Variants in ALMS1 observed in about 807,000 individuals in gnomAD.
The protein encoded by ALMS1 is ALMS1 centrosome and basal body associated protein, also known as centrosome-associated protein ALMS1.
ALMS1 carries 271 observed loss-of-function variants against 352.2 expected under a neutral mutation model. The observed-to-expected ratio is 0.77, with a 90% CI of 0.70 to 0.85. The LOEUF (loss-of-function observed/expected upper bound fraction) is 0.85, where lower values mean the gene tolerates loss of function less well. ALMS1 is among the 40% of genes least tolerant of loss of function. The pLI is 0.00. For synonymous variants in ALMS1, 1,865 were observed against 1,761.2 expected (o/e 1.06, Z -1.48); for missense variants, 5,445 against 4,870.7 (o/e 1.12, Z -3.51).
chr2:73,392,689 A>G (rs1670675219), intron 1 of ALMS1, among the ~76,000 whole-genome samples: 1 of 152,206 alleles, frequency 6.6e-6, no homozygotes, highest in South Asian at 2.1e-4. Flanking sequence ...TCATTACTTT[A>G]TATGGCTGAA....
chr2:73,532,556 T>G (rs529678931), intron 11 of ALMS1, among the ~76,000 whole-genome samples: 1 of 152,162 alleles, frequency 6.6e-6, no homozygotes, highest in African/African-American at 2.4e-5. Flanking sequence ...CTGATATTCA[T>G]TCAAGGCCCA....
intron 12 of ALMS1, among the ~76,000 whole-genome samples, chr2:73,544,536 A>G (rs999522539): frequency 1.3e-5 from 2 of 152,188 alleles, no homozygotes; most frequent in Non-Finnish European, 2.9e-5. Context: ...TAAATAAAAA[A>G]GCAAAGAATG....
chr2:73,531,681 C>T (rs1673916896), intron 11 of ALMS1, among the ~76,000 whole-genome samples: 1 of 152,216 alleles, frequency 6.6e-6, no homozygotes. Context: ...TTTCACACTG[C>T]TTTAAAGATA....
chr2:73,473,242 A>G (rs915916928), intron 9 of ALMS1, among the ~76,000 whole-genome samples: 1 of 127,488 alleles, frequency 7.8e-6, no homozygotes, highest in Non-Finnish European at 1.8e-5. Context: ...AGAGCAAAAA[A>G]GACTGGGAGT....
chr2:73,437,349 C>T (rs1210622033), intron 7 of ALMS1, among the ~76,000 whole-genome samples: 1 of 152,160 alleles, frequency 6.6e-6, no homozygotes, highest in African/African-American at 2.4e-5. Context: ...CTTGGATTGC[C>T]TCTCCTGGAG....
Position 73,541,217 on chromosome 2 carries a change from C to T in ALMS1, c.9907+6268C>T, listed in dbSNP as rs1414134918. ...CAAACTAGAACTCAGGATTAAGAAACTCACTCAGAACCGCTCGACTACATG... is the reference window on the plus strand; with the variant it reads ...CAAACTAGAACTCAGGATTAAGAAATTCACTCAGAACCGCTCGACTACATG... On this transcript the variant is annotated intron_variant, in intron 12 of 22. Coordinates refer to ENST00000613296, the MANE Select transcript of ALMS1 (RefSeq NM_001378454.1). 2.6e-5 allele frequency among the ~76,000 whole-genome samples: 4 copies of T among 152,218 alleles called. No individual in the cohort carries two copies. In the East Asian group the frequency reaches 7.7e-4, roughly 29 times the overall value.
In ALMS1 at chr2:73,409,073, C is replaced by T. The variant is rs115172887; in HGVS notation, c.450+326C>T. 9.8e-3 allele frequency among the ~76,000 whole-genome samples: 1,489 copies of T among 151,790 alleles called. 29 individuals are homozygous for T. The highest frequency in any genetic ancestry group is 0.034 in the African/African-American group (1,398 of 41,426). On this transcript the variant is annotated intron_variant, in intron 2 of 22. Coordinates refer to ENST00000613296, the MANE Select transcript of ALMS1 (RefSeq NM_001378454.1). ...AAAAAATTTTTTATAGATGGAGTCT[C>T]GCTTTGTTGCCCAGGCTGGTCTTGA...
chr2:73,463,727 G>T (rs558390990), intron 9 of ALMS1, among the ~76,000 whole-genome samples: 1 of 137,182 alleles, frequency 7.3e-6, no homozygotes, highest in East Asian at 2.0e-4. Flanking sequence ...AAAGAGAGAA[G>T]AATCAAATAG....
chr2:73,545,771 C>T (rs1243789453), intron 12 of ALMS1, among the ~76,000 whole-genome samples: 2 of 152,134 alleles, frequency 1.3e-5, no homozygotes, highest in African/African-American at 4.8e-5. Context: ...ATATACTTAA[C>T]AAAAGAGGAG....
intron 4 of ALMS1, among the ~76,000 whole-genome samples, chr2:73,423,293 C>G (rs553039079): frequency 2.0e-5 from 3 of 152,286 alleles, no homozygotes; most frequent in African/African-American, 7.2e-5. Context: ...CCCATCATCT[C>G]TCTCCTCCCT....
Position 73,451,242 on chromosome 2 carries a change from C to G in ALMS1, c.4715C>G (p.Ser1572Ter), listed in dbSNP as rs2103783763. 6.2e-7 allele frequency: 1 copy of G among 1,613,914 alleles called. No individual in the cohort carries two copies. ...GIPTITSTSY[S>*]FGEKPIVNYK... is the part of the protein sequence containing the mutation. Reference sequence around the variant, plus strand: ...CCAACCATAACCTCTACTTCCTACTCATTTGGAGAGAAGCCGATTGTTAAC... The same window carrying G: ...CCAACCATAACCTCTACTTCCTACTGATTTGGAGAGAAGCCGATTGTTAAC... The change falls in exon 8 of 23, where the codon TCA becomes TGA. Residue 1572 changes from serine to a stop codon, truncating the protein, a stop_gained. Coordinates refer to ENST00000613296, the MANE Select transcript of ALMS1 (RefSeq NM_001378454.1). LOFTEE classifies it high-confidence loss of function.
At chr2:73,461,708 A>G (rs942273101) in intron 9 of ALMS1, among the ~76,000 whole-genome samples, 1 of 152,188 alleles carries the variant, frequency 6.6e-6, no homozygotes, top group African/African-American at 2.4e-5. Flanking sequence ...AAAACTTTCA[A>G]AAAAATTAGA....
At chr2:73,464,534 A>G (rs1347312646) in intron 9 of ALMS1, among the ~76,000 whole-genome samples, 1 of 152,232 alleles carries the variant, frequency 6.6e-6, no homozygotes, top group East Asian at 1.9e-4. Flanking sequence ...GAAAACAGGC[A>G]CAAGACAGGG....
intron 9 of ALMS1, among the ~76,000 whole-genome samples, chr2:73,478,244 G>C (rs1672622289): frequency 6.6e-6 from 1 of 152,124 alleles, no homozygotes; most frequent in Non-Finnish European, 1.5e-5. Context: ...CATGTGGTTG[G>C]TTTGTTGTAA....
intron 9 of ALMS1, among the ~76,000 whole-genome samples, chr2:73,479,862 C>T (rs1466816371): frequency 2.0e-5 from 3 of 152,084 alleles, no homozygotes; most frequent in Non-Finnish European, 4.4e-5. Flanking sequence ...TCCGTCTACT[C>T]CATATCCTCA....
In ALMS1 at chr2:73,563,749, A is replaced by G. The variant is rs1288263892; in HGVS notation, c.10384+4607A>G. On this transcript the variant is annotated intron_variant, in intron 15 of 22. Transcript: ENST00000613296. ...AAAAAAAAAAAAAAAAATAAAAATA[A>G]AAAATGAAGGTATGGAATTATATGA... 2.0e-5 allele frequency among the ~76,000 whole-genome samples: 3 copies of G among 148,666 alleles called. 1 individual carries two copies. The highest frequency in any genetic ancestry group is 5.0e-5 in the African/African-American group (2 of 39,872).
At chr2:73,390,451 A>C (rs1670621804) in intron 1 of ALMS1, among the ~76,000 whole-genome samples, 1 of 152,166 alleles carries the variant, frequency 6.6e-6, no homozygotes, top group African/African-American at 2.4e-5. Context: ...ATAATAAGGG[A>C]GTTATAGTGG....
At position 73,386,191 on chromosome 2, in the gene ALMS1, A is replaced by G. The variant is rs1046964700; in HGVS notation, c.323A>G (p.Lys108Arg). 3.2e-5 allele frequency: 49 copies of G among 1,533,230 alleles called. No individual in the cohort carries two copies. The East Asian group carries it at 5.5e-4, about 17-fold the overall frequency. 95.0% of individuals were successfully genotyped at this position (1,533,230 alleles called of 1,614,324 possible). A position where few individuals can be genotyped will look rare whatever the true frequency, so the allele number is the denominator to read the frequency against. Residue 108 changes from lysine to arginine, a missense_variant and splice_region_variant, in exon 1 of 23, where the codon AAG (lysine) becomes AGG (arginine). Coordinates refer to ENST00000613296, the MANE Select transcript of ALMS1 (RefSeq NM_001378454.1). Reference sequence around the variant, plus strand: ...GAGGGCGAGCGGACCTCCCTGGAGAAGGTGAGGCGGGCCGGGGAGGGGTGT... The same window carrying G: ...GAGGGCGAGCGGACCTCCCTGGAGAGGGTGAGGCGGGCCGGGGAGGGGTGT... ...YSEGERTSLE[K>R]IVPLTCHVWQ...
intron 12 of ALMS1, among the ~76,000 whole-genome samples, chr2:73,536,436 G>A (rs1286540481): frequency 6.6e-6 from 1 of 152,128 alleles, no homozygotes; most frequent in East Asian, 1.9e-4. Context: ...AGTACTGTAT[G>A]CATCAGTACG....
Sources: allele counts gnomAD v4.1 joint callset (sites outside exome capture counted in the v4.1 genomes callset), GRCh38; gene constraint gnomAD v4.1.1; transcripts MANE v1.5; gene names NCBI Gene and HGNC (gene_info 2026-07-23, HGNC 2026-07-21).